FUT8: variants seen among roughly 807,000 people sequenced by gnomAD.
FUT8 encodes the protein fucosyltransferase 8.
Under a neutral mutation model 71.3 loss-of-function variants are expected in FUT8, and 29 were observed. The observed-to-expected ratio is 0.41, with a 90% confidence interval of 0.30 to 0.55. The LOEUF (loss-of-function observed/expected upper bound fraction) is 0.55. Ranked by LOEUF, FUT8 falls within the 20% of genes least tolerant of loss-of-function variation. FUT8 has a pLI of 0.34. For synonymous variants in FUT8, 254 were observed against 239.3 expected, an observed-to-expected ratio of 1.06 and a Z score of -0.57; for missense variants, 544 against 702.1, an observed-to-expected ratio of 0.77 and a Z score of 2.55.
the FUT8 span, among the ~76,000 whole-genome samples, chr14:65,357,005 G>GA: frequency 6.6e-6 from 1 of 152,222 alleles, no homozygotes; most frequent in Admixed American, 6.5e-5. Flanking sequence ...GTAAGAACCA[G>GA]AAGGGAGCTT....
the FUT8 span, among the ~76,000 whole-genome samples, chr14:65,387,084 C>T: frequency 1.3e-5 from 2 of 152,026 alleles, no homozygotes; most frequent in Admixed American, 6.6e-5. Context: ...TAAGGTGATC[C>T]GCCTGCCTTG....
intron 1 of FUT8, among the ~76,000 whole-genome samples, chr14:65,431,828 A>C (rs1029950080): frequency 2.0e-5 from 3 of 152,126 alleles, no homozygotes; most frequent in African/African-American, 7.2e-5. Flanking sequence ...TTCTACTGTT[A>C]GAATGTATAG....
chr14:65,381,543 C>G, the FUT8 span, among the ~76,000 whole-genome samples: 3 of 152,216 alleles, frequency 2.0e-5, no homozygotes, highest in Non-Finnish European at 2.9e-5. Flanking sequence ...TGGAAAGCGT[C>G]AGTAACTATT....
chr14:65,663,019 CATATT>C (rs1892044635), intron 6 of FUT8, among the ~76,000 whole-genome samples: 1 of 152,078 alleles, frequency 6.6e-6, no homozygotes, highest in Non-Finnish European at 1.5e-5. Flanking sequence ...ATAAAAATCT[CATATT>C]ATAAAATATA....
intron 2 of FUT8, among the ~76,000 whole-genome samples, chr14:65,476,026 C>T (rs2066233964): frequency 6.6e-6 from 1 of 152,032 alleles, no homozygotes; most frequent in Non-Finnish European, 1.5e-5. Flanking sequence ...TGCTTAGAAC[C>T]CAGCAATACT....
At chr14:65,451,359 C>T (rs10133167) in intron 1 of FUT8, among the ~76,000 whole-genome samples, 9,569 of 152,330 alleles carry the variant, frequency 0.063, 548 homozygotes, top group South Asian at 0.2. Flanking sequence ...GCTTTAGCCA[C>T]AGCAGGAGTG....
rs575003055 is a variant in FUT8 at position 65,599,101 on chromosome 14, T to A, written c.204-16877T>A. On this transcript the variant is annotated intron_variant, in intron 3 of 10. Coordinates refer to ENST00000673929, the MANE Select transcript of FUT8 (RefSeq NM_001371533.1). ...ACCACGCCTGGCCCAGAACATTTTT[T>A]AATAAGTCTCTGAACATAAAATTTA... Among the ~76,000 whole-genome samples, 41 of 152,342 alleles carry A rather than the reference T, an allele frequency of 2.7e-4. No individual in the cohort carries two copies. In the East Asian group the frequency reaches 7.7e-3, roughly 29 times the overall value.
At chr14:65,554,993 CT>C (rs1427755408) in intron 2 of FUT8, among the ~76,000 whole-genome samples, 4 of 152,002 alleles carry the variant, frequency 2.6e-5, no homozygotes, top group Non-Finnish European at 5.9e-5. Context: ...TGTTAGGGCT[CT>C]TGTTGGCATA....
At chr14:65,376,417 G>A in the FUT8 span, among the ~76,000 whole-genome samples, 1 of 138,768 alleles carries the variant, frequency 7.2e-6, no homozygotes, top group Non-Finnish European at 1.6e-5. Context: ...GATTGTTTTT[G>A]TTTTTGTTTT....
At chr14:65,565,286 C>T (rs1258171005) in intron 3 of FUT8, among the ~76,000 whole-genome samples, 2 of 151,904 alleles carry the variant, frequency 1.3e-5, no homozygotes, top group Non-Finnish European at 2.9e-5. Flanking sequence ...ATACCTCCCA[C>T]TAGGTCCCAC....
the FUT8 span, among the ~76,000 whole-genome samples, chr14:65,374,762 T>TA: frequency 2.1e-5 from 1 of 46,552 alleles, no homozygotes; most frequent in East Asian, 3.1e-4. Context: ...GCCTGGCTAA[T>TA]TTTTTTTTTT....
At chr14:65,634,154 G>A (rs975235361) in intron 6 of FUT8, among the ~76,000 whole-genome samples, 5 of 152,054 alleles carry the variant, frequency 3.3e-5, no homozygotes, top group African/African-American at 9.6e-5. Context: ...TTGAGAAATC[G>A]GATGGTTGCC....
chr14:65,626,663 A>C (rs1249788014), intron 5 of FUT8, among the ~76,000 whole-genome samples: 1 of 152,206 alleles, frequency 6.6e-6, no homozygotes, highest in Non-Finnish European at 1.5e-5. Flanking sequence ...AATGTAAAGC[A>C]CTTAGAATAG....
chr14:65,499,860 T>G (rs190019193), intron 2 of FUT8, among the ~76,000 whole-genome samples: 203 of 152,078 alleles, frequency 1.3e-3, no homozygotes, highest in African/African-American at 4.7e-3. Flanking sequence ...GTGTTGAATA[T>G]TTAGTTATAA....
intron 3 of FUT8, among the ~76,000 whole-genome samples, chr14:65,583,646 C>CAA (rs5809282): frequency 3.2e-3 from 458 of 141,350 alleles, no homozygotes; most frequent in Non-Finnish European, 5.2e-3. Flanking sequence ...AAATAATAAG[C>CAA]AAAAAAAAAA....
At chr14:65,592,313 G>T (rs890854332) in intron 3 of FUT8, among the ~76,000 whole-genome samples, 11 of 151,936 alleles carry the variant, frequency 7.2e-5, no homozygotes, top group Non-Finnish European at 7.4e-5. Flanking sequence ...GAGTGGTGGG[G>T]GAGAACTGAC....
chr14:65,424,524 TTTTTCTTTTC>T (rs1315097964), intron 1 of FUT8, among the ~76,000 whole-genome samples: 1 of 150,384 alleles, frequency 6.6e-6, no homozygotes, highest in Admixed American at 6.6e-5. Context: ...TTACTTTCTA[TTTTTCTTTTC>T]TTTTCTTTTT....
In FUT8 at chr14:65,557,363, T is replaced by C. The variant is rs2140027652; in HGVS notation, c.-227-3974T>C. 3.3e-5 allele frequency among the ~76,000 whole-genome samples: 5 copies of C among 151,426 alleles called. No individual in the cohort carries two copies. The East Asian group carries it at 9.7e-4, about 29-fold the overall frequency. On this transcript the variant is annotated intron_variant, in intron 2 of 10. Transcript: ENST00000673929. ...TTTTTTTTTTTTTGAGACAGAGCCT[T>C]GCTCTGTCGCCCAGGCTGGAGTGTG...
intron 2 of FUT8, among the ~76,000 whole-genome samples, chr14:65,478,804 A>C (rs1489961984): frequency 6.6e-6 from 1 of 152,238 alleles, no homozygotes; most frequent in African/African-American, 2.4e-5. Context: ...CTTACAGCCC[A>C]CACTGCTGTG....
Sources: allele counts gnomAD v4.1 joint callset (sites outside exome capture counted in the v4.1 genomes callset), GRCh38; gene constraint gnomAD v4.1.1; transcripts MANE v1.5; gene names NCBI Gene and HGNC (gene_info 2026-07-23, HGNC 2026-07-21).